Variants in STX8 observed in about 807,000 individuals in gnomAD.
STX8 encodes the protein syntaxin 8.
A neutral mutation model predicts 37.5 loss-of-function variants in STX8; 23 were observed. The observed-to-expected ratio is 0.61, with a 90% confidence interval of 0.44 to 0.87. The LOEUF (loss-of-function observed/expected upper bound fraction) is 0.87, where lower values mean the gene tolerates loss of function less well. Ranked by LOEUF, STX8 falls within the 40% of genes least tolerant of loss-of-function variation. STX8 has a pLI of 0.00. For missense variants in STX8, 313 were observed against 284.7 expected (o/e 1.10, Z -0.71); for synonymous variants, 115 against 99.1 (o/e 1.16, Z -0.95).
At chr17:9,449,432 C>T (rs149159815) in intron 6 of STX8, among the ~76,000 whole-genome samples, 2,534 of 152,226 alleles carry the variant, frequency 0.017, 28 homozygotes, top group Non-Finnish European at 0.025. Context: ...TGGCGGCGGG[C>T]GCCTGTAGTC....
At chr17:9,544,285 C>T (rs1043010527) in intron 4 of STX8, among the ~76,000 whole-genome samples, 31 of 152,150 alleles carry the variant, frequency 2.0e-4, no homozygotes, top group African/African-American at 7.5e-4. Flanking sequence ...CAGGGGGAGG[C>T]CAATTCTAAA....
chr17:9,557,522 C>T lies in STX8; in HGVS notation c.124G>A (p.Val42Met), dbSNP rs1907028423. The T allele has an allele frequency of 3.1e-6, 5 of 1,613,846 alleles. No homozygotes were observed. Among genetic ancestry groups the T allele is most frequent in the South Asian group, 2.2e-5 (2 of 91,058 alleles). The change falls in exon 3 of 8, where the codon GTG (valine) becomes ATG (methionine). Residue 42 changes from valine to methionine, a missense_variant. Transcript: ENST00000306357. ...RKGEKAPKLT[V>M]TIRALLQNLK... Reference sequence around the variant, plus strand: ...TTCTGCAACAAAGCTCTGATTGTCACGGTAAGCTGAAAAGAAAAGAACACA... The same window carrying T: ...TTCTGCAACAAAGCTCTGATTGTCATGGTAAGCTGAAAAGAAAAGAACACA...
intron 5 of STX8, among the ~76,000 whole-genome samples, chr17:9,495,204 G>A (rs1021311720): frequency 2.6e-5 from 4 of 151,962 alleles, no homozygotes; most frequent in African/African-American, 9.7e-5. Flanking sequence ...CTATACAAAT[G>A]ACCTGCCGTC....
intron 7 of STX8, among the ~76,000 whole-genome samples, chr17:9,302,915 A>C (rs1193630376): frequency 1.3e-5 from 2 of 150,628 alleles, no homozygotes; most frequent in African/African-American, 4.9e-5. Context: ...AGAACTATTT[A>C]TGTTTCTCAG....
rs543939711 is a variant in STX8 at position 9,415,750 on chromosome 17, C to T, written c.542-37097G>A. On this transcript the variant is annotated intron_variant, in intron 6 of 7. Transcript: ENST00000306357. ...CGCCACTGCACTCCAGCCTGACTGA[C>T]AGGGCAAGACTCCGTCTCAACAACA... 3.3e-5 allele frequency among the ~76,000 whole-genome samples: 5 copies of T among 152,302 alleles called. No individual in the cohort carries two copies. In the East Asian group the frequency reaches 9.6e-4, roughly 29 times the overall value.
At chr17:9,362,865 A>AAATT (rs56709199) in intron 7 of STX8, among the ~76,000 whole-genome samples, 1,513 of 147,344 alleles carry the variant, frequency 0.01, 13 homozygotes, top group South Asian at 0.022. Flanking sequence ...ATAAATAAAT[A>AAATT]ATCTCTTTCT....
intron 6 of STX8, among the ~76,000 whole-genome samples, chr17:9,405,579 G>A (rs1168556147): frequency 6.6e-6 from 1 of 152,166 alleles, no homozygotes; most frequent in Non-Finnish European, 1.5e-5. Context: ...AAGCCCAAAT[G>A]CATTTGCACA....
chr17:9,495,529 T>C (rs1041976586), intron 5 of STX8, among the ~76,000 whole-genome samples: 8 of 152,210 alleles, frequency 5.3e-5, no homozygotes, highest in African/African-American at 1.4e-4. Flanking sequence ...AGTAGAGACA[T>C]AGATTATGAA....
At chr17:9,289,013 G>A (rs1908205945) in intron 7 of STX8, among the ~76,000 whole-genome samples, 1 of 152,152 alleles carries the variant, frequency 6.6e-6, no homozygotes, top group Non-Finnish European at 1.5e-5. Context: ...TTAGGATGCT[G>A]GGACTAAAGA....
intron 7 of STX8, among the ~76,000 whole-genome samples, chr17:9,279,046 G>A (rs1907783594): frequency 6.8e-6 from 1 of 147,074 alleles, no homozygotes; most frequent in African/African-American, 2.6e-5. Context: ...TTATTATTCT[G>A]TGTGTGTGTT....
intron 5 of STX8, among the ~76,000 whole-genome samples, chr17:9,504,607 C>T (rs1052220199): frequency 1.6e-4 from 25 of 151,670 alleles, no homozygotes; most frequent in Middle Eastern, 3.4e-3. Context: ...CTGAGGCACA[C>T]ACCAAAAGCT....
chr17:9,458,189 G>A (rs1296911848), intron 6 of STX8, among the ~76,000 whole-genome samples: 2 of 152,138 alleles, frequency 1.3e-5, no homozygotes, highest in Admixed American at 6.5e-5. Flanking sequence ...TCGCTCTGTC[G>A]TCCAGGCTGG....
At chr17:9,399,593 C>T (rs977301522) in intron 6 of STX8, among the ~76,000 whole-genome samples, 7 of 152,064 alleles carry the variant, frequency 4.6e-5, no homozygotes, top group Non-Finnish European at 5.9e-5. Context: ...CGGCCGGGTG[C>T]GGTGGCTCAC....
At chr17:9,439,591 G>A (rs1904567598) in intron 6 of STX8, among the ~76,000 whole-genome samples, 2 of 151,030 alleles carry the variant, frequency 1.3e-5, no homozygotes, top group South Asian at 4.2e-4. Flanking sequence ...TGCCTCCCAG[G>A]TTCAAGTGAT....
At chr17:9,471,038 T>TTA (rs1389181994) in intron 6 of STX8, among the ~76,000 whole-genome samples, 1 of 133,294 alleles carries the variant, frequency 7.5e-6, no homozygotes, top group Non-Finnish European at 1.6e-5. Context: ...CTGCTTTTTT[T>TTA]TTTTTTTTTT....
chr17:9,295,965 CGGATCA>C (rs1347942275), intron 7 of STX8, among the ~76,000 whole-genome samples: 1 of 151,410 alleles, frequency 6.6e-6, no homozygotes, highest in East Asian at 1.9e-4. Context: ...CCAAGGCGGG[CGGATCA>C]CGAGGTCAGG....
At chr17:9,312,488 AC>A (rs1296229622) in intron 7 of STX8, among the ~76,000 whole-genome samples, 2 of 152,220 alleles carry the variant, frequency 1.3e-5, no homozygotes, top group Admixed American at 6.5e-5. Flanking sequence ...GGCGTGAGCC[AC>A]CGCGTCTGGC....
At chr17:9,484,957 G>A (rs1182064714) in intron 6 of STX8, among the ~76,000 whole-genome samples, 1 of 152,182 alleles carries the variant, frequency 6.6e-6, no homozygotes, top group Non-Finnish European at 1.5e-5. Flanking sequence ...GAGAACTAGT[G>A]TGGACTTTAT....
intron 7 of STX8, among the ~76,000 whole-genome samples, chr17:9,274,625 G>C (rs1015035033): frequency 2.0e-5 from 3 of 148,364 alleles, no homozygotes; most frequent in Non-Finnish European, 4.5e-5. Context: ...GCAGTGAGCC[G>C]AGATTGCACC....
Sources: gnomAD v4.1 joint callset for allele counts (sites outside exome capture counted in the v4.1 genomes callset) on GRCh38, gnomAD v4.1.1 for gene constraint, MANE v1.5 for transcripts, NCBI Gene and HGNC (gene_info 2026-07-23, HGNC 2026-07-21) for gene names.